CTNNA3: variants seen among roughly 807,000 people sequenced by gnomAD.
CTNNA3 encodes the protein catenin alpha 3.
A neutral mutation model predicts 95.7 loss-of-function variants in CTNNA3; 76 were observed. The observed-to-expected ratio is 0.79, with a 90% CI of 0.66 to 0.96. The LOEUF is 0.96. Ranked by LOEUF, CTNNA3 falls within the 40% of genes least tolerant of loss-of-function variation. The pLI, the probability that CTNNA3 is intolerant of heterozygous loss-of-function variation, is 0.00. For missense variants in CTNNA3, 1,191 were observed against 1,089.8 expected, an observed-to-expected ratio of 1.09 and a Z score of -1.31; for synonymous variants, 431 against 374.4, an observed-to-expected ratio of 1.15 and a Z score of -1.74.
chr10:66,169,238 T>C (rs2085294539), intron 13 of CTNNA3, among the ~76,000 whole-genome samples: 2 of 152,148 alleles, frequency 1.3e-5, no homozygotes, highest in Non-Finnish European at 2.9e-5. Context: ...CTTTGCATCC[T>C]CAGAGCTTAG....
intron 7 of CTNNA3, among the ~76,000 whole-genome samples, chr10:66,953,068 G>A (rs1489653769): frequency 6.6e-6 from 1 of 152,092 alleles, no homozygotes; most frequent in Non-Finnish European, 1.5e-5. Context: ...CAACTCTAGT[G>A]TACAGAGAAA....
chr10:66,492,990 T>C (rs182533647), intron 11 of CTNNA3, among the ~76,000 whole-genome samples: 1 of 151,848 alleles, frequency 6.6e-6, no homozygotes, highest in Admixed American at 6.5e-5. Flanking sequence ...AAGGGGACTT[T>C]CATGAATTGT....
intron 7 of CTNNA3, among the ~76,000 whole-genome samples, chr10:66,976,371 A>C (rs1367254294): frequency 6.6e-6 from 1 of 152,124 alleles, no homozygotes; most frequent in Non-Finnish European, 1.5e-5. Flanking sequence ...CATTTCAGAC[A>C]AAGAAAAACA....
chr10:65,943,968 A>G (rs1800669936), intron 17 of CTNNA3, among the ~76,000 whole-genome samples: 1 of 152,206 alleles, frequency 6.6e-6, no homozygotes, highest in Non-Finnish European at 1.5e-5. Context: ...TTGGAAAACC[A>G]GGAACAAATT....
At chr10:66,701,823 A>T (rs553555389) in intron 9 of CTNNA3, among the ~76,000 whole-genome samples, 1 of 152,332 alleles carries the variant, frequency 6.6e-6, no homozygotes, top group South Asian at 2.1e-4. Context: ...TTGCATATAC[A>T]TAATGAGATA....
chr10:66,036,510 G>A (rs1454845236), intron 15 of CTNNA3, among the ~76,000 whole-genome samples: 1 of 152,118 alleles, frequency 6.6e-6, no homozygotes, highest in African/African-American at 2.4e-5. Flanking sequence ...GAGTAGCTGG[G>A]ATTACAGGCA....
intron 11 of CTNNA3, among the ~76,000 whole-genome samples, chr10:66,451,433 C>T (rs928995962): frequency 1.3e-5 from 2 of 151,884 alleles, no homozygotes; most frequent in Non-Finnish European, 2.9e-5. Flanking sequence ...ATAAGAGAGA[C>T]CTGTTTTAGA....
intron 15 of CTNNA3, among the ~76,000 whole-genome samples, chr10:66,016,538 G>T (rs1183467231): frequency 1.3e-5 from 2 of 152,148 alleles, no homozygotes; most frequent in Non-Finnish European, 2.9e-5. Flanking sequence ...CAGTAATTTT[G>T]AATTGTTTTG....
intron 12 of CTNNA3, among the ~76,000 whole-genome samples, chr10:66,322,742 C>CT (rs1411712954): frequency 6.6e-6 from 1 of 152,032 alleles, no homozygotes; most frequent in Non-Finnish European, 1.5e-5. Context: ...GCCAGCTGCA[C>CT]TTAAGTGTCA....
chr10:66,549,461 T>C (rs905661738), intron 10 of CTNNA3, among the ~76,000 whole-genome samples: 27 of 152,148 alleles, frequency 1.8e-4, no homozygotes, highest in African/African-American at 6.5e-4. Flanking sequence ...AAGTGAGCTG[T>C]TCCCTTTCTC....
At chr10:65,938,836 T>C (rs997367702) in intron 17 of CTNNA3, among the ~76,000 whole-genome samples, 2 of 152,024 alleles carry the variant, frequency 1.3e-5, no homozygotes, top group Admixed American at 6.6e-5. Flanking sequence ...ATAGGCCCAC[T>C]AACACAGCTG....
At chr10:67,511,097 G>T (rs1490475364) in intron 5 of CTNNA3, among the ~76,000 whole-genome samples, 3 of 152,184 alleles carry the variant, frequency 2.0e-5, no homozygotes, top group Non-Finnish European at 2.9e-5. Context: ...TTGGGGCTGA[G>T]ACAATGGGGT....
At chr10:66,073,441 T>A (rs72793452) in intron 14 of CTNNA3, among the ~76,000 whole-genome samples, 12,588 of 152,196 alleles carry the variant, frequency 0.083, 787 homozygotes, top group East Asian at 0.19. Flanking sequence ...TCCTTTCCAA[T>A]ACTGTGATCA....
intron 17 of CTNNA3, among the ~76,000 whole-genome samples, chr10:65,924,212 G>A (rs1422210206): frequency 6.6e-6 from 1 of 152,148 alleles, no homozygotes; most frequent in Non-Finnish European, 1.5e-5. Flanking sequence ...GCCAGCAAGA[G>A]TGGGTTAGGT....
intron 12 of CTNNA3, among the ~76,000 whole-genome samples, chr10:66,316,344 A>G (rs1461313244): frequency 6.6e-6 from 1 of 152,124 alleles, no homozygotes; most frequent in Non-Finnish European, 1.5e-5. Context: ...TTTGCACTGC[A>G]TCATTTTATG....
chr10:67,398,078 G>A (rs1844780528), intron 5 of CTNNA3, among the ~76,000 whole-genome samples: 1 of 152,186 alleles, frequency 6.6e-6, no homozygotes, highest in Non-Finnish European at 1.5e-5. Context: ...AGTCTCCACT[G>A]GGGCACTGTC....
chr10:67,382,609 A>G (rs1001525865), intron 5 of CTNNA3, among the ~76,000 whole-genome samples: 1 of 152,182 alleles, frequency 6.6e-6, no homozygotes, highest in African/African-American at 2.4e-5. Flanking sequence ...CTTACTATAC[A>G]TACATTTATA....
At position 67,746,167 on chromosome 10, in the gene CTNNA3, CA is replaced by C. The variant is rs1251351202; in HGVS notation, c.-2+17266del. On this transcript the variant is annotated intron_variant, in intron 1 of 17. Transcript: ENST00000684154. The stretch of plus-strand genomic sequence containing the variant: ...CTGGAAGCATCCCACTTCCTGACTT[CA>C]AAATTTACTACAAAGCTATAGTAAC... 2.0e-5 allele frequency among the ~76,000 whole-genome samples: 3 copies of C among 152,258 alleles called. No homozygotes were observed. In the East Asian group the frequency reaches 5.8e-4, roughly 29 times the overall value.
intron 3 of CTNNA3, among the ~76,000 whole-genome samples, chr10:67,578,055 T>C (rs999053844): frequency 2.1e-5 from 3 of 140,874 alleles, no homozygotes; most frequent in Non-Finnish European, 4.5e-5. Flanking sequence ...TATACATCAG[T>C]GAACTGTGTG....
Sources: allele counts gnomAD v4.1 joint callset (sites outside exome capture counted in the v4.1 genomes callset), GRCh38; gene constraint gnomAD v4.1.1; transcripts MANE v1.5; gene names NCBI Gene and HGNC (gene_info 2026-07-23, HGNC 2026-07-21).